The following FRMD4A variants were observed in gnomAD, a reference collection of about 807,000 sequenced individuals.
The protein encoded by FRMD4A is FERM domain-containing protein 4A.
A neutral mutation model predicts 129.1 loss-of-function variants in FRMD4A; 29 were observed. That is an observed-to-expected ratio of 0.22 (90% CI 0.17 to 0.31). The LOEUF (loss-of-function observed/expected upper bound fraction) is 0.31. FRMD4A is among the 10% of genes least tolerant of loss of function. The pLI is 1.00. For synonymous variants in FRMD4A, 634 were observed against 571.6 expected (o/e 1.11, Z -1.56); for missense variants, 1,272 against 1,375.8 (o/e 0.92, Z 1.19).
intron 24 of FRMD4A, 38 bp from the exon 25 acceptor site, chr10:13,647,073 T>A: frequency 2.2e-6 from 1 of 459,248 alleles, no homozygotes; most frequent in Non-Finnish European, 2.9e-6. Context: ...GACAGTTAGT[T>A]AGTGGAGGAG....
Position 14,234,859 on chromosome 10 carries a change from G to C in FRMD4A, c.45+95199C>G, listed in dbSNP as rs138667983. Among the ~76,000 whole-genome samples the C allele has an allele frequency of 3.3e-5, 5 of 152,182 alleles. No homozygotes were observed. In the East Asian group the frequency reaches 9.6e-4, roughly 29 times the overall value. ...CTACTAACAGCCCCTGTGGCTCTACGTTAGATCAGTTGCTACTGAGTCTCA... is the reference window on the plus strand; with the variant it reads ...CTACTAACAGCCCCTGTGGCTCTACCTTAGATCAGTTGCTACTGAGTCTCA... On this transcript the variant is annotated intron_variant, in intron 2 of 24. Coordinates refer to ENST00000357447, the MANE Select transcript of FRMD4A (RefSeq NM_018027.5).
intron 2 of FRMD4A, among the ~76,000 whole-genome samples, chr10:14,266,184 C>T (rs533942802): frequency 2.6e-5 from 4 of 152,076 alleles, no homozygotes; most frequent in Admixed American, 2.0e-4. Flanking sequence ...GGGGCTTTCC[C>T]GTGCATTGTA....
At chr10:14,317,290 T>C (rs993719413) in intron 2 of FRMD4A, among the ~76,000 whole-genome samples, 6 of 152,286 alleles carry the variant, frequency 3.9e-5, no homozygotes, top group African/African-American at 1.2e-4. Context: ...GCCTTCCTCA[T>C]ACCCAAATGT....
intron 4 of FRMD4A, among the ~76,000 whole-genome samples, chr10:13,796,965 C>T (rs1428937984): frequency 6.6e-6 from 1 of 152,166 alleles, no homozygotes; most frequent in African/African-American, 2.4e-5. Context: ...GGTGATCCGC[C>T]CACCTCGGCC....
chr10:13,709,586 T>C (rs2087807731), intron 12 of FRMD4A, among the ~76,000 whole-genome samples: 1 of 152,200 alleles, frequency 6.6e-6, no homozygotes, highest in African/African-American at 2.4e-5. Flanking sequence ...CAGAGAATTT[T>C]TCTCCCAGTG....
chr10:13,928,362 ACT>A (rs1267791152), intron 2 of FRMD4A, among the ~76,000 whole-genome samples: 1 of 151,564 alleles, frequency 6.6e-6, no homozygotes. Context: ...AGAAAAACAA[ACT>A]CTGAGCAAAC....
At chr10:14,216,042 C>T (rs1347235755) in intron 2 of FRMD4A, among the ~76,000 whole-genome samples, 1 of 152,140 alleles carries the variant, frequency 6.6e-6, no homozygotes, top group East Asian at 1.9e-4. Context: ...AGTTCCACTA[C>T]ACGTTCTGTA....
intron 2 of FRMD4A, among the ~76,000 whole-genome samples, chr10:14,003,057 C>T (rs912482892): frequency 3.3e-5 from 5 of 152,064 alleles, no homozygotes; most frequent in South Asian, 4.2e-4. Context: ...TTTCAGTAGA[C>T]GAGTGACACA....
chr10:14,224,524 A>C (rs541072011), intron 2 of FRMD4A, among the ~76,000 whole-genome samples: 1 of 152,368 alleles, frequency 6.6e-6, no homozygotes, highest in South Asian at 2.1e-4. Flanking sequence ...TCTATTTACC[A>C]GGGAAGCATT....
At chr10:14,007,147 C>T (rs920108478) in intron 2 of FRMD4A, 4 of 152,094 alleles carry the variant, frequency 2.6e-5, no homozygotes, top group Non-Finnish European at 5.9e-5. Flanking sequence ...GATAGCTGAT[C>T]TAACAAGAGA....
At chr10:13,891,112 G>A (rs890755316) in intron 2 of FRMD4A, among the ~76,000 whole-genome samples, 1 of 152,066 alleles carries the variant, frequency 6.6e-6, no homozygotes, top group Non-Finnish European at 1.5e-5. Flanking sequence ...GTTCCCTTCT[G>A]TTCTCCTCCC....
At chr10:14,174,879 C>CTG (rs56966643) in intron 2 of FRMD4A, among the ~76,000 whole-genome samples, 8,790 of 87,548 alleles carry the variant, frequency 0.1, 418 homozygotes, top group East Asian at 0.21. Context: ...GTGTGTGTGT[C>CTG]TGTGTGTGTG....
rs557496585 is a variant in FRMD4A, at chr10:14,155,207, A to T, written c.45+174851T>A. Among the ~76,000 whole-genome samples the T allele has an allele frequency of 3.0e-4, 46 of 152,318 alleles. 1 individual carries two copies. The East Asian group carries it at 8.9e-3, about 29-fold the overall frequency. On this transcript the variant is annotated intron_variant, in intron 2 of 24. Coordinates refer to ENST00000357447, the MANE Select transcript of FRMD4A (RefSeq NM_018027.5). ...CTACTCGGGAGGCTGAGGCAGGAGGATCACTTGAGCCCAGGAGTTGGAGGC... is the reference window on the plus strand; with the variant it reads ...CTACTCGGGAGGCTGAGGCAGGAGGTTCACTTGAGCCCAGGAGTTGGAGGC...
At chr10:13,902,626 G>C (rs926421670) in intron 2 of FRMD4A, among the ~76,000 whole-genome samples, 7 of 151,838 alleles carry the variant, frequency 4.6e-5, no homozygotes. Flanking sequence ...GATCACTTGA[G>C]GTCAGGAGTT....
At chr10:14,049,321 T>A (rs113839582) in intron 2 of FRMD4A, among the ~76,000 whole-genome samples, 115 of 152,298 alleles carry the variant, frequency 7.6e-4, no homozygotes, top group African/African-American at 2.7e-3. Flanking sequence ...TAATTAATGG[T>A]GAGGCATAGA....
intron 2 of FRMD4A, among the ~76,000 whole-genome samples, chr10:13,906,518 G>A (rs185047225): frequency 3.2e-3 from 486 of 152,262 alleles, no homozygotes; most frequent in Non-Finnish European, 5.2e-3. Context: ...CAGAGTACAT[G>A]TTAAATAAAA....
intron 2 of FRMD4A, among the ~76,000 whole-genome samples, chr10:13,915,403 T>A (rs901276274): frequency 6.6e-6 from 1 of 152,030 alleles, no homozygotes; most frequent in African/African-American, 2.4e-5. Flanking sequence ...CTGGGCTCGG[T>A]GGCTCACGCC....
chr10:14,042,231 A>G (rs1833806769), intron 2 of FRMD4A, among the ~76,000 whole-genome samples: 1 of 152,234 alleles, frequency 6.6e-6, no homozygotes, highest in Non-Finnish European at 1.5e-5. Flanking sequence ...GCATTAGGTC[A>G]TAGCCTGTTC....
chr10:13,718,298 G>T (rs1304906235), intron 12 of FRMD4A, among the ~76,000 whole-genome samples: 2 of 152,264 alleles, frequency 1.3e-5, no homozygotes, highest in African/African-American at 4.8e-5. Context: ...TCAGGCTGCT[G>T]CTGGGAGAAG....
Sources: allele counts gnomAD v4.1 joint callset (sites outside exome capture counted in the v4.1 genomes callset), GRCh38; gene constraint gnomAD v4.1.1; transcripts MANE v1.5; gene names NCBI Gene and HGNC (gene_info 2026-07-23, HGNC 2026-07-21).